Variants in RYR2 observed in about 807,000 individuals in gnomAD.
RYR2 encodes cardiac muscle ryanodine receptor-calcium release channel.
In RYR2, 227 loss-of-function variants were observed where a neutral mutation model predicts 601.1. The ratio of observed to expected loss-of-function variants is 0.38; its 90% CI spans 0.34 to 0.42. The LOEUF is 0.42. RYR2 is among the 10% of genes least tolerant of loss of function. RYR2 has a pLI of 1.00. For missense variants in RYR2, 4,646 were observed against 6,156.5 expected (o/e 0.75, Z 8.21); for synonymous variants, 2,223 against 2,175.1 (o/e 1.02, Z -0.61).
intron 100 of RYR2, among the ~76,000 whole-genome samples, chr1:237,815,051 G>A (rs1302775172): frequency 2.3e-5 from 3 of 131,406 alleles, no homozygotes; most frequent in Non-Finnish European, 4.6e-5. Context: ...AAAGCCAATA[G>A]AAACTATGAT....
intron 1 of RYR2, among the ~76,000 whole-genome samples, chr1:237,263,798 G>A (rs912396088): frequency 1.3e-5 from 2 of 152,122 alleles, no homozygotes; most frequent in African/African-American, 4.8e-5. Flanking sequence ...CATTCTTACA[G>A]GCTTTGGTGA....
intron 71 of RYR2, among the ~76,000 whole-genome samples, chr1:237,715,857 T>C (rs1203243025): frequency 2.6e-5 from 4 of 152,178 alleles, no homozygotes; most frequent in Non-Finnish European, 5.9e-5. Flanking sequence ...TGGGCAATTA[T>C]TTTTATCATT....
intron 17 of RYR2, among the ~76,000 whole-genome samples, chr1:237,485,506 G>T (rs1319911684): frequency 1.3e-5 from 2 of 152,164 alleles, no homozygotes; most frequent in African/African-American, 4.8e-5. Flanking sequence ...TTCATCTCAG[G>T]GCATTGGTAA....
intron 1 of RYR2, among the ~76,000 whole-genome samples, chr1:237,213,122 T>TA (rs140901305): frequency 0.087 from 13,282 of 152,038 alleles, 670 homozygotes; most frequent in East Asian, 0.19. Context: ...GTAGTTTTTT[T>TA]AAAAAAAGCA....
At chr1:237,090,037 G>C (rs1666788146) in intron 1 of RYR2, among the ~76,000 whole-genome samples, 1 of 152,198 alleles carries the variant, frequency 6.6e-6, no homozygotes, top group Non-Finnish European at 1.5e-5. Context: ...AGGGCGGCAG[G>C]AGAGAGAATG....
In RYR2 at chr1:237,468,977, G is replaced by A; in HGVS notation, c.1613-115G>A. Reference sequence around the variant, plus strand: ...GTATGTATGTTTGCATAAGTTTTTAGATGTAACAGAGGATATTTTGTTCTT... The same window carrying A: ...GTATGTATGTTTGCATAAGTTTTTAAATGTAACAGAGGATATTTTGTTCTT... On this transcript the variant is annotated intron_variant, in intron 16 of 104. Transcript: ENST00000366574. 4.3e-6 allele frequency: 3 copies of A among 703,518 alleles called. No individual in the cohort carries two copies. In the South Asian group the frequency reaches 5.1e-5, roughly 12 times the overall value. The allele number at this position is 703,518 out of a possible 1,614,324, so 43.6% of individuals were successfully genotyped here.
chr1:237,052,625 GT>G (rs1661421049), intron 1 of RYR2, among the ~76,000 whole-genome samples: 1 of 151,794 alleles, frequency 6.6e-6, no homozygotes, highest in Admixed American at 6.6e-5. Context: ...TAAAGTGCTT[GT>G]TTTTTTAAGG....
In RYR2 at chr1:237,666,574, A is replaced by G. The variant is rs985607104; in HGVS notation, c.8499A>G (p.Leu2833=). Residue 2833 remains leucine, a synonymous_variant, in exon 57 of 105, where the codon CTA becomes CTG. Coordinates refer to ENST00000366574, the MANE Select transcript of RYR2 (RefSeq NM_001035.3). ...PRAIDMSNVT[L]SRDLHAMAEM... Reference sequence around the variant, plus strand: ...CCATTGACATGAGCAATGTTACACTATCTAGAGACCTGCATGTAAGTACTA... The same window carrying G: ...CCATTGACATGAGCAATGTTACACTGTCTAGAGACCTGCATGTAAGTACTA... 4 of 1,612,416 alleles carry G rather than the reference A, an allele frequency of 2.5e-6. No homozygotes were observed. Among genetic ancestry groups the G allele is most frequent in the Non-Finnish European group, 1.7e-6 (2 of 1,179,132 alleles).
intron 1 of RYR2, among the ~76,000 whole-genome samples, chr1:237,260,904 T>G (rs1419873003): frequency 6.6e-6 from 1 of 152,198 alleles, no homozygotes; most frequent in Non-Finnish European, 1.5e-5. Context: ...TGTACTAGCA[T>G]GCAAACTGAG....
chr1:237,754,352 A>G (rs1450445836), intron 80 of RYR2, among the ~76,000 whole-genome samples: 1 of 152,180 alleles, frequency 6.6e-6, no homozygotes, highest in Non-Finnish European at 1.5e-5. Context: ...CCGGGACCTT[A>G]CAGGCTACAC....
rs1225282549 is a variant in RYR2, at chr1:237,566,859, A to C, written c.3423+84A>C. 43 of 1,371,832 alleles carry C rather than the reference A, an allele frequency of 3.1e-5. No individual in the cohort carries two copies. The Admixed American group carries it at 3.4e-4, about 11-fold the overall frequency. The allele number at this position is 1,371,832 out of a possible 1,614,324, so 85.0% of individuals were successfully genotyped here. A position where few individuals can be genotyped will look rare whatever the true frequency, so the allele number is the denominator to read the frequency against. ...CTGTTCCTCTTGGTAGCTTCACAGT[A>C]CCAGTGTTTCCCACAGCACAAACGT... On this transcript the variant is annotated intron_variant, in intron 28 of 104. Transcript: ENST00000366574.
intron 28 of RYR2, among the ~76,000 whole-genome samples, chr1:237,567,679 A>G (rs1672232636): frequency 1.3e-5 from 2 of 152,116 alleles, no homozygotes. Flanking sequence ...TGGTAAAATC[A>G]TAGATTTTTT....
chr1:237,801,671 G>A (rs952865328), intron 97 of RYR2, among the ~76,000 whole-genome samples, 185 bp from the exon 98 acceptor site: 1 of 152,130 alleles, frequency 6.6e-6, no homozygotes, highest in Admixed American at 6.6e-5. Context: ...AACACATCAT[G>A]AAACTCTAGG....
At chr1:237,348,885 G>A (rs754701286) in intron 3 of RYR2, among the ~76,000 whole-genome samples, 26 of 152,158 alleles carry the variant, frequency 1.7e-4, no homozygotes, top group Non-Finnish European at 3.2e-4. Context: ...GAACTCAGAA[G>A]ATTAGTTTAA....
At chr1:237,696,080 C>T (rs1170366668) in intron 63 of RYR2, among the ~76,000 whole-genome samples, 1 of 152,082 alleles carries the variant, frequency 6.6e-6, no homozygotes, top group African/African-American at 2.4e-5. Flanking sequence ...GTGCAGGGAA[C>T]AAAGCAAACA....
At chr1:237,652,527 T>C (rs1355998618) in intron 51 of RYR2, among the ~76,000 whole-genome samples, 1 of 152,206 alleles carries the variant, frequency 6.6e-6, no homozygotes, top group East Asian at 1.9e-4. Context: ...ATAAAGAGTC[T>C]ATATGGAGCT....
intron 25 of RYR2, among the ~76,000 whole-genome samples, chr1:237,537,462 C>T (rs1186814501): frequency 2.6e-5 from 4 of 151,990 alleles, no homozygotes; most frequent in Non-Finnish European, 2.9e-5. Context: ...TACAGGCGCC[C>T]GCCACCACGC....
chr1:237,809,930 A>G (rs1661078366), intron 100 of RYR2, among the ~76,000 whole-genome samples: 1 of 152,210 alleles, frequency 6.6e-6, no homozygotes, highest in African/African-American at 2.4e-5. Context: ...AAAATAATTT[A>G]ATAAATGACA....
chr1:237,742,257 A>G (rs1691673488), intron 79 of RYR2, 39 bp from the exon 80 acceptor site: 3 of 1,359,766 alleles, frequency 2.2e-6, no homozygotes, highest in African/African-American at 1.5e-5. Flanking sequence ...AAATCTCAAC[A>G]TATTCCTGTC....
Sources: gnomAD v4.1 joint callset for allele counts (sites outside exome capture counted in the v4.1 genomes callset) on GRCh38, gnomAD v4.1.1 for gene constraint, MANE v1.5 for transcripts, NCBI Gene and HGNC (gene_info 2026-07-23, HGNC 2026-07-21) for gene names.